The following IL23R variants were observed in gnomAD, a reference collection of about 807,000 sequenced individuals.
IL23R encodes the protein interleukin 23 receptor.
Under a neutral mutation model 56.9 loss-of-function variants are expected in IL23R, and 34 were observed. The observed-to-expected ratio is 0.60, with a 90% CI of 0.45 to 0.80. The LOEUF (loss-of-function observed/expected upper bound fraction) is 0.80. Ranked by LOEUF, IL23R falls within the 30% of genes least tolerant of loss-of-function variation. IL23R has a pLI of 0.00. For synonymous variants in IL23R, 230 were observed against 249.2 expected, an observed-to-expected ratio of 0.92 and a Z score of 0.73; for missense variants, 635 against 730.0, an observed-to-expected ratio of 0.87 and a Z score of 1.50.
At chr1:67,175,319 A>C (rs1016054646) in intron 3 of IL23R, among the ~76,000 whole-genome samples, 1 of 152,216 alleles carries the variant, frequency 6.6e-6, no homozygotes, top group Non-Finnish European at 1.5e-5. Context: ...AACTTTAAAA[A>C]AACCTTGTTG....
intron 3 of IL23R, among the ~76,000 whole-genome samples, chr1:67,171,722 A>T (rs1646946591): frequency 6.6e-6 from 1 of 152,160 alleles, no homozygotes; most frequent in Non-Finnish European, 1.5e-5. Flanking sequence ...TATGTCACTT[A>T]ACAGGAGTGA....
chr1:67,259,225 A>C lies in IL23R; in HGVS notation c.*97A>C. 1 of 1,192,586 alleles carries C rather than the reference A, an allele frequency of 8.4e-7. No individual in the cohort carries two copies. Among genetic ancestry groups the C allele is most frequent in the South Asian group, 1.3e-5 (1 of 78,344 alleles). 73.9% of individuals were successfully genotyped at this position (1,192,586 alleles called of 1,614,324 possible). ...TTGAATTCTGCCTCTTTTTGAAAAA[A>C]ATGTATTCACATACAAATCTTCACA... On this transcript the variant is annotated 3_prime_UTR_variant, in exon 11 of 11. Coordinates refer to ENST00000347310, the MANE Select transcript of IL23R (RefSeq NM_144701.3).
chr1:67,254,554 G>T (rs1381243246), intron 9 of IL23R, among the ~76,000 whole-genome samples: 1 of 151,836 alleles, frequency 6.6e-6, no homozygotes, highest in Non-Finnish European at 1.5e-5. Context: ...CAAAAAAAAT[G>T]GAATCATAAA....
intron 4 of IL23R, among the ~76,000 whole-genome samples, chr1:67,198,471 T>G (rs714512): frequency 0.4 from 61,170 of 152,078 alleles, 12,506 homozygotes; most frequent in Admixed American, 0.49. Flanking sequence ...GCTACTTGGA[T>G]ATTCTCATTC....
intron 1 of IL23R, among the ~76,000 whole-genome samples, chr1:67,144,246 G>A (rs926466267): frequency 1.3e-5 from 2 of 152,110 alleles, no homozygotes; most frequent in Admixed American, 6.6e-5. Flanking sequence ...ACAGAGCAGC[G>A]AAGCTCTTGA....
Position 67,240,285 on chromosome 1 carries a change from G to A in IL23R, c.1148+4G>A. 1 of 1,593,254 alleles carries A rather than the reference G, an allele frequency of 6.3e-7. No homozygotes were observed. Among genetic ancestry groups the A allele is most frequent in the Non-Finnish European group, 8.6e-7 (1 of 1,161,578 alleles). ...TTAACAGATCATTCCGAACTGGGTA[G>A]GTTTTTGCAGAATTTCTGTTTTCTG... is the stretch of plus-strand genomic sequence containing the variant. On this transcript the variant is annotated splice_donor_region_variant and intron_variant, in intron 9 of 10. Coordinates refer to ENST00000347310, the MANE Select transcript of IL23R (RefSeq NM_144701.3).
chr1:67,161,368 T>C (rs1646817740), intron 1 of IL23R, among the ~76,000 whole-genome samples: 1 of 152,116 alleles, frequency 6.6e-6, no homozygotes, highest in African/African-American at 2.4e-5. Context: ...AATTATCACA[T>C]ATAATATACT....
intron 1 of IL23R, among the ~76,000 whole-genome samples, chr1:67,139,549 A>G (rs1371725465): frequency 2.6e-5 from 4 of 152,176 alleles, no homozygotes; most frequent in South Asian, 4.1e-4. Context: ...TTTTTCTTCT[A>G]TTAAAGACCA....
At chr1:67,160,034 A>G (rs1646804714) in intron 1 of IL23R, among the ~76,000 whole-genome samples, 1 of 152,142 alleles carries the variant, frequency 6.6e-6, no homozygotes, top group African/African-American at 2.4e-5. Context: ...TTTTTAAAAA[A>G]TACAGATGAG....
At chr1:67,146,089 C>T (rs4655684) in intron 1 of IL23R, among the ~76,000 whole-genome samples, 51,928 of 151,994 alleles carry the variant, frequency 0.34, 9,084 homozygotes, top group Admixed American at 0.47. Context: ...AACTCCCAGG[C>T]CTTTGAATGA....
chr1:67,156,243 G>C (rs1646768976), intron 1 of IL23R, among the ~76,000 whole-genome samples: 1 of 152,202 alleles, frequency 6.6e-6, no homozygotes, highest in African/African-American at 2.4e-5. Flanking sequence ...CCGTTGGGAG[G>C]TCTCTCCAAG....
intron 1 of IL23R, among the ~76,000 whole-genome samples, chr1:67,150,986 G>T (rs943590192): frequency 5.3e-5 from 8 of 152,084 alleles, no homozygotes; most frequent in Non-Finnish European, 1.0e-4. Flanking sequence ...TGAGATGCTG[G>T]GTCAAATGGT....
intron 3 of IL23R, among the ~76,000 whole-genome samples, chr1:67,182,437 G>C (rs186215367): frequency 6.6e-6 from 1 of 152,218 alleles, no homozygotes; most frequent in African/African-American, 2.4e-5. Context: ...CTCTGAGCCA[G>C]GCATGGGATA....
At chr1:67,254,121 T>G (rs1318757635) in intron 9 of IL23R, among the ~76,000 whole-genome samples, 1 of 152,082 alleles carries the variant, frequency 6.6e-6, no homozygotes, top group East Asian at 1.9e-4. Flanking sequence ...CATACTGGAG[T>G]GCAGTGGTGC....
At chr1:67,214,739 C>T (rs1308370838) in intron 6 of IL23R, among the ~76,000 whole-genome samples, 2 of 152,116 alleles carry the variant, frequency 1.3e-5, no homozygotes, top group African/African-American at 4.8e-5. Flanking sequence ...TCTACTGCTA[C>T]GATTGAGGGA....
intron 4 of IL23R, among the ~76,000 whole-genome samples, chr1:67,187,582 G>T (rs1028627298): frequency 6.6e-6 from 1 of 152,144 alleles, no homozygotes; most frequent in Non-Finnish European, 1.5e-5. Flanking sequence ...AGGAATATTT[G>T]TAGTAGTTAT....
chr1:67,146,832 T>G (rs1258610839), intron 1 of IL23R, among the ~76,000 whole-genome samples: 1 of 152,234 alleles, frequency 6.6e-6, no homozygotes, highest in African/African-American at 2.4e-5. Context: ...TCTTCACGAT[T>G]ATCTGCTAAC....
intron 9 of IL23R, among the ~76,000 whole-genome samples, chr1:67,250,462 T>C (rs764266521): frequency 5.9e-5 from 9 of 152,198 alleles, no homozygotes; most frequent in Non-Finnish European, 8.8e-5. Context: ...CCAGGCCTTA[T>C]TGAGAATCTA....
chr1:67,167,960 C>T (rs1198528482), intron 1 of IL23R, 132 bp from the exon 2 acceptor site: 18 of 601,836 alleles, frequency 3.0e-5, no homozygotes, highest in South Asian at 1.1e-4. Context: ...TCCTTTCTTC[C>T]TTCCTTCTTT....
Sources: gnomAD v4.1 joint callset for allele counts (sites outside exome capture counted in the v4.1 genomes callset) on GRCh38, gnomAD v4.1.1 for gene constraint, MANE v1.5 for transcripts, NCBI Gene and HGNC (gene_info 2026-07-23, HGNC 2026-07-21) for gene names.